Variants in ESS2 observed in about 807,000 individuals in gnomAD.
ESS2 encodes the protein ess-2 spliceosome associated protein.
Under a neutral mutation model 52.0 loss-of-function variants are expected in ESS2, and 31 were observed. That is an observed-to-expected ratio of 0.60 (90% confidence interval 0.45 to 0.81). ESS2 has a LOEUF of 0.81. Among genes scored for constraint, ESS2 ranks in the 30% least tolerant of loss-of-function variants. The pLI is 0.00. For synonymous variants in ESS2, 285 were observed against 259.2 expected, an observed-to-expected ratio of 1.10 and a Z score of -0.95; for missense variants, 602 against 637.2, an observed-to-expected ratio of 0.94 and a Z score of 0.59.
rs2083503248 is a variant in ESS2, at chr22:19,131,275, CT to C, written c.*2920del. The C allele has an allele frequency of 5.2e-6, 4 of 771,616 alleles. No homozygotes were observed. The highest frequency in any genetic ancestry group is 3.6e-5 in the South Asian group (2 of 55,760). The allele number at this position is 771,616 out of a possible 1,614,324, so 47.8% of individuals were successfully genotyped here. A position where few individuals can be genotyped will look rare whatever the true frequency, so the allele number is the denominator to read the frequency against. ...GGAGACAATGCTGAGTGTTCCACCC[CT>C]GAGTCGAAGCCCAGCCCAGGGCAGC... On this transcript the variant is annotated 3_prime_UTR_variant, in exon 10 of 10. Transcript: ENST00000252137. The surrounding 1 kb of genome is among the most constrained non-coding windows in gnomAD (Gnocchi z 5.7).
chr22:19,142,441 T>A (rs2083703181), intron 3 of ESS2, 97 bp downstream of exon 3: 1 of 1,084,936 alleles, frequency 9.2e-7, no homozygotes, highest in Admixed American at 2.5e-5. Context: ...GAACAAGATG[T>A]GGCCTGCAGC....
Position 19,142,649 on chromosome 22 carries a change from G to T in ESS2, c.305-16C>A. On this transcript the variant is annotated splice_polypyrimidine_tract_variant and intron_variant, in intron 2 of 9. Transcript: ENST00000252137. ...GGAGTCACATCTAGGGGAAGAGAGG[G>T]GGATAAGAATTAGAGTGAGCCTGAA... is the stretch of plus-strand genomic sequence containing the variant. 6.2e-7 allele frequency: 1 copy of T among 1,611,102 alleles called. No individual in the cohort carries two copies. The highest frequency in any genetic ancestry group is 1.1e-5 in the South Asian group (1 of 90,634).
At chr22:19,143,139 A>G (rs1417298958) in intron 1 of ESS2, among the ~76,000 whole-genome samples, 14 of 137,600 alleles carry the variant, frequency 1.0e-4, no homozygotes, top group African/African-American at 3.8e-4. Flanking sequence ...CGGGAGGCGG[A>G]GGTTGCAGTG....
Position 19,134,355 on chromosome 22 carries a change from G to A in ESS2, c.1272C>T (p.Arg424=), listed in dbSNP as rs1418582561. ...LRASYTPSPA[R]STHLKTPASG... ...TGGCCGGGGTCTTGAGGTGGGTGGAGCGTGCTGGGGATGGTGTGTAGCTGG... is the reference window on the plus strand; with the variant it reads ...TGGCCGGGGTCTTGAGGTGGGTGGAACGTGCTGGGGATGGTGTGTAGCTGG... Residue 424 remains arginine (R), a synonymous_variant, in exon 10 of 10, where the codon CGC becomes CGT. Coordinates refer to ENST00000252137, the MANE Select transcript of ESS2 (RefSeq NM_022719.3). 1.4e-5 allele frequency: 22 copies of A among 1,612,266 alleles called. No individual in the cohort carries two copies. Among genetic ancestry groups the A allele is most frequent in the Non-Finnish European group, 1.7e-5 (20 of 1,179,370 alleles).
In ESS2 at chr22:19,139,655, G is replaced by A. The variant is rs764421774; in HGVS notation, c.645C>T (p.Thr215=). 3.1e-6 allele frequency: 5 copies of A among 1,614,176 alleles called. No individual in the cohort carries two copies. In the East Asian group the frequency reaches 8.9e-5, roughly 29 times the overall value. ...AIESSQASVE[T]WKYKAKNSLM... ...GGGAATTCTTGGCCTTGTACTTCCA[G>A]GTCTCCACACTGGCCTGGCTGCTCT... The change falls in exon 5 of 10, where the codon ACC becomes ACT. Residue 215 remains threonine (T), a synonymous_variant. Transcript: ENST00000252137.
intron 1 of ESS2, chr22:19,144,236 C>G: frequency 8.1e-7 from 1 of 1,240,874 alleles, no homozygotes; most frequent in East Asian, 3.6e-5. Context: ...TGTCAAACTC[C>G]TACTCACACT....
In ESS2 at chr22:19,144,561, T is replaced by A; in HGVS notation, c.80A>T (p.Glu27Val). 6.2e-7 allele frequency: 1 copy of A among 1,606,620 alleles called. No individual in the cohort carries two copies. The highest frequency in any genetic ancestry group is 8.5e-7 in the Non-Finnish European group (1 of 1,176,002). ...CTGCTTGCTCGTCGCAGCCCCAGCC[T>A]CTCCCGCCTCGCGCTTCCTCGGGGG... ...SRPPRKREAG[E>V]AGAATSKQRV... The change falls in exon 1 of 10, where the codon GAG (glutamate) becomes GTG (valine). Residue 27 changes from glutamate (E) to valine (V), a missense_variant. Coordinates refer to ENST00000252137, the MANE Select transcript of ESS2 (RefSeq NM_022719.3).
In ESS2 at chr22:19,134,001, G is replaced by A; in HGVS notation, c.*195C>T. The stretch of plus-strand genomic sequence containing the variant: ...ATTAAACAGCAAACAGCTTGGCAAG[G>A]CCCTGGGGTGTGGTGTGGGCACGAG... On this transcript the variant is annotated 3_prime_UTR_variant, in exon 10 of 10. Coordinates refer to ENST00000252137, the MANE Select transcript of ESS2 (RefSeq NM_022719.3). The A allele has an allele frequency of 3.7e-6, 2 of 539,662 alleles. No homozygotes were observed. Among genetic ancestry groups the A allele is most frequent in the South Asian group, 6.5e-5 (1 of 15,294 alleles). 33.4% of individuals were successfully genotyped at this position (539,662 alleles called of 1,614,324 possible).
At chr22:19,141,176 G>A (rs2083680274) in intron 3 of ESS2, among the ~76,000 whole-genome samples, 1 of 151,274 alleles carries the variant, frequency 6.6e-6, no homozygotes, top group African/African-American at 2.4e-5. Flanking sequence ...TGATGCACAA[G>A]CTACATTTCA....
Position 19,134,083 on chromosome 22 carries a change from G to T in ESS2, c.*113C>A. 1 of 1,283,062 alleles carries T rather than the reference G, an allele frequency of 7.8e-7. No individual in the cohort carries two copies. The highest frequency in any genetic ancestry group is 1.0e-6 in the Non-Finnish European group (1 of 991,682). The allele number at this position is 1,283,062 out of a possible 1,614,324, so 79.5% of individuals were successfully genotyped here. On this transcript the variant is annotated 3_prime_UTR_variant, in exon 10 of 10. Transcript: ENST00000252137. ...CCTTTCTCCAGTGACTCCTGGTATG[G>T]TCAACAGCTTCTGGCCCAGGCCTGG...
At chr22:19,142,077 T>C (rs1020578045) in intron 3 of ESS2, among the ~76,000 whole-genome samples, 1 of 152,180 alleles carries the variant, frequency 6.6e-6, no homozygotes, top group African/African-American at 2.4e-5. Flanking sequence ...AGAGCACCAG[T>C]GGTGTTGTGA....
At chr22:19,137,779 C>T (rs1392466723) in intron 7 of ESS2, 20 of 985,268 alleles carry the variant, frequency 2.0e-5, no homozygotes, top group Non-Finnish European at 2.2e-5. Context: ...CATGCCCTGG[C>T]GTGTGACACA....
rs2083503935 is a variant in ESS2, at chr22:19,131,344, C to A, written c.*2852G>T. On this transcript the variant is annotated 3_prime_UTR_variant, in exon 10 of 10. Transcript: ENST00000252137. This position sits in a 1 kb window ranked among gnomAD's most constrained non-coding sequence, Gnocchi z 5.7. ...GTAGTGTAAATGAGGACAATGCCTG[C>A]TGGCCCACATGACGGGGGGATGTAG... is the stretch of plus-strand genomic sequence containing the variant. The A allele has an allele frequency of 1.0e-5, 15 of 1,477,066 alleles. No homozygotes were observed. In the Admixed American group the frequency reaches 2.8e-4, roughly 27 times the overall value. The allele number at this position is 1,477,066 out of a possible 1,614,324, so 91.5% of individuals were successfully genotyped here.
intron 1 of ESS2, chr22:19,144,157 G>A (rs2083743730): frequency 1.9e-5 from 20 of 1,072,950 alleles, no homozygotes; most frequent in Non-Finnish European, 2.3e-5. Flanking sequence ...TCTCTTTCCA[G>A]GAACCCCAGC....
At position 19,130,487 on chromosome 22, in the gene ESS2, T is replaced by C; in HGVS notation, c.*3709A>G. On this transcript the variant is annotated 3_prime_UTR_variant, in exon 10 of 10. Transcript: ENST00000252137. Reference sequence around the variant, plus strand: ...AGAGGCAAAAAAAATGCTTGCTAAGTCCGATTAAAAGGGGCCCAGTGCCTT... The same window carrying C: ...AGAGGCAAAAAAAATGCTTGCTAAGCCCGATTAAAAGGGGCCCAGTGCCTT... 3.1e-6 allele frequency: 1 copy of C among 326,350 alleles called. No homozygotes were observed. Among genetic ancestry groups the C allele is most frequent in the Non-Finnish European group, 5.8e-6 (1 of 171,090 alleles). 20.2% of individuals were successfully genotyped at this position (326,350 alleles called of 1,614,324 possible). A position where few individuals can be genotyped will look rare whatever the true frequency, so the allele number is the denominator to read the frequency against.
chr22:19,132,407 G>A lies in ESS2; in HGVS notation c.*1789C>T, dbSNP rs758245828. 2.4e-5 allele frequency: 39 copies of A among 1,612,982 alleles called. 1 individual carries two copies. The highest frequency in any genetic ancestry group is 3.2e-5 in the Non-Finnish European group (38 of 1,180,002). On this transcript the variant is annotated 3_prime_UTR_variant, in exon 10 of 10. Transcript: ENST00000252137. The surrounding 1 kb of genome is among the most constrained non-coding windows in gnomAD (Gnocchi z 4.2). ...AGAACGAGAACAGGATGGAGGACAG[G>A]CTGGCCGAGACCTCCAGGGCCAAAG...
intron 8 of ESS2, among the ~76,000 whole-genome samples, chr22:19,135,853 C>G (rs2083572087): frequency 6.6e-6 from 1 of 151,424 alleles, no homozygotes. Flanking sequence ...AATGACAAGA[C>G]CTCATTTCTA....
intron 3 of ESS2, among the ~76,000 whole-genome samples, chr22:19,140,929 C>T (rs1248993674): frequency 6.6e-6 from 1 of 152,150 alleles, no homozygotes; most frequent in Non-Finnish European, 1.5e-5. Flanking sequence ...TGGTTCCTAC[C>T]ACTTAGGTTC....
In ESS2 at chr22:19,132,382, A is replaced by G; in HGVS notation, c.*1814T>C. ...CAGCACCGGCTGCTGGTGGTGCCCG[A>G]GAACGAGAACAGGATGGAGGACAGG... On this transcript the variant is annotated 3_prime_UTR_variant, in exon 10 of 10. Coordinates refer to ENST00000252137, the MANE Select transcript of ESS2 (RefSeq NM_022719.3). The surrounding 1 kb of genome is among the most constrained non-coding windows in gnomAD (Gnocchi z 4.2). 1.2e-6 allele frequency: 2 copies of G among 1,613,164 alleles called. No individual in the cohort carries two copies. The highest frequency in any genetic ancestry group is 1.7e-6 in the Non-Finnish European group (2 of 1,180,016).
Sources: gnomAD v4.1 joint callset for allele counts (sites outside exome capture counted in the v4.1 genomes callset) on GRCh38, gnomAD v4.1.1 for gene constraint, Gnocchi (gnomAD v3.1) non-coding constraint, MANE v1.5 for transcripts, NCBI Gene and HGNC (gene_info 2026-07-23, HGNC 2026-07-21) for gene names.